Variants in PHF2 observed in about 807,000 individuals in gnomAD.
The protein encoded by PHF2 is PHD finger protein 2.
A neutral mutation model predicts 120.5 loss-of-function variants in PHF2; 27 were observed. The ratio of observed to expected loss-of-function variants is 0.22; its 90% confidence interval spans 0.17 to 0.31. The LOEUF (loss-of-function observed/expected upper bound fraction) is 0.31. PHF2 is among the 10% of genes least tolerant of loss of function. PHF2 has a pLI of 1.00. For missense variants in PHF2, 1,024 were observed against 1,434.8 expected (o/e 0.71, Z 4.63); for synonymous variants, 568 against 592.5 (o/e 0.96, Z 0.60).
At chr9:93,610,493 C>G (rs1293955604) in intron 1 of PHF2, among the ~76,000 whole-genome samples, 1 of 152,138 alleles carries the variant, frequency 6.6e-6, no homozygotes, top group African/African-American at 2.4e-5. Flanking sequence ...CATCACCTAT[C>G]CTTGCAGGCT....
chr9:93,677,566 G>T lies in PHF2; in HGVS notation c.3203-22G>T, dbSNP rs1274616553. On this transcript the variant is annotated intron_variant, in intron 21 of 21. Transcript: ENST00000359246. This position sits in a 1 kb window ranked among gnomAD's most constrained non-coding sequence, Gnocchi z 4.4. Reference sequence around the variant, plus strand: ...CATCTAGCTTACCTTCCCTTTTTGTGTCCCCTCCCCGACTCCCCTAGGAAA... The same window carrying T: ...CATCTAGCTTACCTTCCCTTTTTGTTTCCCCTCCCCGACTCCCCTAGGAAA... 1 of 1,599,068 alleles carries T rather than the reference G, an allele frequency of 6.3e-7. No individual in the cohort carries two copies. Among genetic ancestry groups the T allele is most frequent in the Admixed American group, 1.7e-5 (1 of 58,260 alleles).
chr9:93,626,305 T>A (rs1427711430), intron 1 of PHF2, among the ~76,000 whole-genome samples: 7 of 152,220 alleles, frequency 4.6e-5, no homozygotes, highest in Admixed American at 3.9e-4. Context: ...TACTGTAGTT[T>A]TGATTTTAAT....
chr9:93,592,626 G>A (rs970886794), intron 1 of PHF2, among the ~76,000 whole-genome samples: 11 of 152,160 alleles, frequency 7.2e-5, no homozygotes, highest in East Asian at 3.9e-4. Context: ...GAGCCAAAGC[G>A]TGCTGTTGTC....
At chr9:93,663,970 CACCTGTAGTG>C (rs1826628163) in intron 14 of PHF2, among the ~76,000 whole-genome samples, 1 of 152,252 alleles carries the variant, frequency 6.6e-6, no homozygotes, top group African/African-American at 2.4e-5. Context: ...CACCACGCTC[CACCTGTAGTG>C]TGGGTGTGAG....
At chr9:93,638,728 C>CT (rs1055499766) in intron 3 of PHF2, among the ~76,000 whole-genome samples, 172 of 152,012 alleles carry the variant, frequency 1.1e-3, no homozygotes, top group African/African-American at 3.6e-3. Context: ...TTGTTCTTTT[C>CT]TTTTTTTTGA....
At chr9:93,626,386 A>G (rs1825915577) in intron 1 of PHF2, among the ~76,000 whole-genome samples, 2 of 152,202 alleles carry the variant, frequency 1.3e-5, no homozygotes, top group Non-Finnish European at 2.9e-5. Flanking sequence ...TCTTTGAAGA[A>G]ATGTCTGTTC....
rs141478795 is a variant in PHF2, at chr9:93,662,847, C to A, written c.1699-60C>A. The A allele has an allele frequency of 7.9e-4, 1,257 of 1,599,570 alleles. 13 individuals are homozygous for A. The African/African-American group carries it at 0.014, about 18-fold the overall frequency. ...AGAAGAAGACAGGGAATCTGTGGCT[C>A]AAGAGAGTTCCACCAGCCCTCTATG... On this transcript the variant is annotated intron_variant, in intron 12 of 21. Coordinates refer to ENST00000359246, the MANE Select transcript of PHF2 (RefSeq NM_005392.4).
In PHF2 at chr9:93,677,529, C is replaced by T; in HGVS notation, c.3203-59C>T. 4 of 1,334,264 alleles carry T rather than the reference C, an allele frequency of 3.0e-6. No homozygotes were observed. The highest frequency in any genetic ancestry group is 4.3e-6 in the Non-Finnish European group (4 of 931,270). The allele number at this position is 1,334,264 out of a possible 1,614,324, so 82.7% of individuals were successfully genotyped here. On this transcript the variant is annotated intron_variant, in intron 21 of 21. Transcript: ENST00000359246. This position sits in a 1 kb window ranked among gnomAD's most constrained non-coding sequence, Gnocchi z 4.4. ...GGGACCCTCCCCCCCACCGGCATGC[C>T]ACGCCCCTTGCCATCTAGCTTACCT...
intron 18 of PHF2, among the ~76,000 whole-genome samples, 165 bp downstream of exon 18, chr9:93,674,027 G>A (rs1826862922): frequency 6.6e-6 from 1 of 152,198 alleles, no homozygotes. Context: ...TCCTGTGAGC[G>A]AGACTGGCCG....
chr9:93,665,578 TG>T, intron 14 of PHF2, 107 bp from the exon 15 acceptor site: 2 of 1,229,850 alleles, frequency 1.6e-6, no homozygotes, highest in Non-Finnish European at 2.3e-6. Flanking sequence ...ACCTGCCTCC[TG>T]GAGGCCATCC....
chr9:93,634,563 A>G (rs1018420107), intron 2 of PHF2, among the ~76,000 whole-genome samples: 4 of 152,236 alleles, frequency 2.6e-5, no homozygotes, highest in African/African-American at 9.6e-5. Context: ...GGAGCTATCT[A>G]TGGCCCTGGC....
chr9:93,641,125 C>G (rs962788979), intron 3 of PHF2, among the ~76,000 whole-genome samples: 2 of 152,098 alleles, frequency 1.3e-5, no homozygotes, highest in African/African-American at 4.8e-5. Context: ...AGGAGCATTT[C>G]TCAGCCTTTT....
intron 12 of PHF2, 147 bp from the exon 13 acceptor site, chr9:93,662,760 G>T (rs1225022075): frequency 1.2e-6 from 1 of 816,098 alleles, no homozygotes; most frequent in Non-Finnish European, 2.0e-6. Flanking sequence ...ACATCGATGG[G>T]TGGGTGAATG....
In PHF2 at chr9:93,679,004, A is replaced by G. The variant is rs1382126802; in HGVS notation, c.*1328A>G. 3 of 327,100 alleles carry G rather than the reference A, an allele frequency of 9.2e-6. No homozygotes were observed. Among genetic ancestry groups the G allele is most frequent in the South Asian group, 4.7e-5 (2 of 42,204 alleles). 20.3% of individuals were successfully genotyped at this position (327,100 alleles called of 1,614,324 possible). ...TATTTCAGACACATTTTGAAGATGA[A>G]TCTTCAACTTTAATACCAGCTCTTT... On this transcript the variant is annotated 3_prime_UTR_variant, in exon 22 of 22. Transcript: ENST00000359246.
chr9:93,646,999 TC>T (rs1474461886), intron 4 of PHF2, among the ~76,000 whole-genome samples: 1 of 152,208 alleles, frequency 6.6e-6, no homozygotes, highest in Non-Finnish European at 1.5e-5. Flanking sequence ...TGAGCCGGGA[TC>T]CAGCCCCTGG....
chr9:93,647,515 C>T (rs79443824), intron 4 of PHF2, among the ~76,000 whole-genome samples: 3,413 of 152,266 alleles, frequency 0.022, 81 homozygotes, highest in East Asian at 0.1. Flanking sequence ...AGCCCTCATG[C>T]ACTCAGCACC....
In PHF2 at chr9:93,665,647, G is replaced by A. The variant is rs982086224; in HGVS notation, c.1938-39G>A. On this transcript the variant is annotated intron_variant, in intron 14 of 21. Coordinates refer to ENST00000359246, the MANE Select transcript of PHF2 (RefSeq NM_005392.4). Reference sequence around the variant, plus strand: ...GTCCTACCTGTCCGCTGGCTGTGGGGCTATGTGGATGCTGCTGACCCACTC... The same window carrying A: ...GTCCTACCTGTCCGCTGGCTGTGGGACTATGTGGATGCTGCTGACCCACTC... 1.9e-6 allele frequency: 3 copies of A among 1,604,390 alleles called. No individual in the cohort carries two copies. In the Middle Eastern group the frequency reaches 5.5e-4, roughly 294 times the overall value.
intron 7 of PHF2, 92 bp from the exon 8 acceptor site, chr9:93,655,842 G>A: frequency 1.1e-6 from 1 of 906,544 alleles, no homozygotes; most frequent in Non-Finnish European, 1.7e-6. Flanking sequence ...GGAAAGGCCT[G>A]TGCTGGTCTC....
intron 1 of PHF2, among the ~76,000 whole-genome samples, chr9:93,596,158 C>G (rs1825328317): frequency 6.6e-6 from 1 of 152,186 alleles, no homozygotes; most frequent in Non-Finnish European, 1.5e-5. Flanking sequence ...TCCTGGGAAG[C>G]TGACCTCAGT....
Sources: allele counts gnomAD v4.1 joint callset (sites outside exome capture counted in the v4.1 genomes callset), GRCh38; gene constraint gnomAD v4.1.1; non-coding constraint Gnocchi (gnomAD v3.1); transcripts MANE v1.5; gene names NCBI Gene and HGNC (gene_info 2026-07-23, HGNC 2026-07-21).